The following GOLGA1 variants were observed in gnomAD, a reference collection of about 807,000 sequenced individuals.
GOLGA1 encodes the protein golgin subfamily A member 1.
In GOLGA1, 63 loss-of-function variants were observed where a neutral mutation model predicts 119.7. The observed-to-expected ratio is 0.53, with a 90% CI of 0.43 to 0.65. The LOEUF (loss-of-function observed/expected upper bound fraction) is 0.65. Among genes scored for constraint, GOLGA1 ranks in the 30% least tolerant of loss-of-function variants. The pLI is 0.00. For synonymous variants in GOLGA1, 318 were observed against 333.4 expected (o/e 0.95, Z 0.50); for missense variants, 798 against 912.8 (o/e 0.87, Z 1.62).
intron 10 of GOLGA1, among the ~76,000 whole-genome samples, chr9:124,917,769 T>A (rs907674896): frequency 3.3e-4 from 51 of 152,264 alleles, no homozygotes; most frequent in African/African-American, 1.2e-3. Context: ...TCTCCCATCA[T>A]CCCTTTCTCT....
intron 12 of GOLGA1, among the ~76,000 whole-genome samples, chr9:124,905,890 C>T (rs1198903940): frequency 3.3e-5 from 5 of 150,886 alleles, no homozygotes; most frequent in East Asian, 3.9e-4. Context: ...TTTGGGAGGC[C>T]GAGGCTGAGG....
At position 124,931,201 on chromosome 9, in the gene GOLGA1, A is replaced by T. The variant is rs41309948; in HGVS notation, c.226+115T>A. ...GGTATACTTGCTCCTTTCTAAAAAG[A>T]TCAAAATGATATGTGAAAATAACTA... On this transcript the variant is annotated intron_variant, in intron 4 of 22. Coordinates refer to ENST00000373555, the MANE Select transcript of GOLGA1 (RefSeq NM_002077.4). 2,468 of 647,834 alleles carry T rather than the reference A, an allele frequency of 3.8e-3. 10 individuals carry two copies. Among genetic ancestry groups the T allele is most frequent in the Non-Finnish European group, 5.1e-3 (1,806 of 351,492 alleles). 40.1% of individuals were successfully genotyped at this position (647,834 alleles called of 1,614,324 possible).
chr9:124,892,529 G>T (rs1050675732), intron 15 of GOLGA1, among the ~76,000 whole-genome samples: 4 of 152,172 alleles, frequency 2.6e-5, no homozygotes, highest in African/African-American at 9.7e-5. Context: ...CCAGGCTGGA[G>T]TGCAATGGCA....
chr9:124,936,533 T>C (rs1460358534), intron 3 of GOLGA1, among the ~76,000 whole-genome samples: 1 of 151,526 alleles, frequency 6.6e-6, no homozygotes, highest in Non-Finnish European at 1.5e-5. Context: ...CCCAAACTCC[T>C]GGGCTCAAGC....
intron 7 of GOLGA1, among the ~76,000 whole-genome samples, chr9:124,925,831 TA>T (rs1199481880): frequency 6.6e-6 from 1 of 152,214 alleles, no homozygotes; most frequent in Admixed American, 6.5e-5. Flanking sequence ...ATTTTAAAAC[TA>T]AAATGTTTTT....
intron 3 of GOLGA1, among the ~76,000 whole-genome samples, chr9:124,933,413 A>ATTATTTAT (rs373483012): frequency 4.0e-4 from 61 of 151,454 alleles, no homozygotes; most frequent in African/African-American, 1.3e-3. Flanking sequence ...TGGAGTCTGG[A>ATTATTTAT]TTATTTATTT....
rs1208815441 is a variant in GOLGA1 at position 124,938,853 on chromosome 9, T to C, written c.-142A>G. On this transcript the variant is annotated 5_prime_UTR_variant, in exon 3 of 23. Coordinates refer to ENST00000373555, the MANE Select transcript of GOLGA1 (RefSeq NM_002077.4). ...CACTTAAATGTGGGCCAAGGGCTTA[T>C]GGCAACACAGGATCTACAAATCAGA... is the stretch of plus-strand genomic sequence containing the variant. 2 of 582,280 alleles carry C rather than the reference T, an allele frequency of 3.4e-6. No individual in the cohort carries two copies. The highest frequency in any genetic ancestry group is 2.9e-5 in the East Asian group (1 of 34,530). 36.1% of individuals were successfully genotyped at this position (582,280 alleles called of 1,614,324 possible). A position where few individuals can be genotyped will look rare whatever the true frequency, so the allele number is the denominator to read the frequency against.
At chr9:124,936,249 G>C (rs1299893477) in intron 3 of GOLGA1, among the ~76,000 whole-genome samples, 2 of 152,060 alleles carry the variant, frequency 1.3e-5, no homozygotes, top group African/African-American at 4.8e-5. Context: ...AGGAGCCAGT[G>C]ATAATGTAGA....
chr9:124,931,440 T>C (rs1254784754), intron 3 of GOLGA1, 34 bp from the exon 4 acceptor site: 4 of 1,001,878 alleles, frequency 4.0e-6, no homozygotes, highest in East Asian at 2.4e-5. Context: ...GTCGTATTCA[T>C]ATATGTGTGA....
Position 124,890,471 on chromosome 9 carries a change from C to A in GOLGA1, c.1415G>T (p.Trp472Leu), listed in dbSNP as rs150023063. The A allele has an allele frequency of 1.8e-5, 29 of 1,612,442 alleles. No individual in the cohort carries two copies. In the African/African-American group the frequency reaches 3.5e-4, roughly 19 times the overall value. The change falls in exon 16 of 23, where the codon TGG (tryptophan) becomes TTG (leucine). Residue 472 changes from tryptophan to leucine, a missense_variant. Transcript: ENST00000373555. ...QFELKKLKEE[W>L]SQREIVSVAM... ...CACGCTCACAATTTCTCTTTGGCTCCATTCTTCCTACAATGCAGAAAACCA... is the reference window on the plus strand; with the variant it reads ...CACGCTCACAATTTCTCTTTGGCTCAATTCTTCCTACAATGCAGAAAACCA...
chr9:124,937,197 T>C (rs1362741855), intron 3 of GOLGA1, among the ~76,000 whole-genome samples: 4 of 152,206 alleles, frequency 2.6e-5, no homozygotes, highest in African/African-American at 9.6e-5. Flanking sequence ...CTCACCCCTG[T>C]AATCCTAGCA....
In GOLGA1 at chr9:124,901,366, G is replaced by A. The variant is rs142600390; in HGVS notation, c.1066-819C>T. ...GCTCACTGCAACCTCCGCCTGCTGG[G>A]TTCAAGCGATTCTCCTGCCTCAGCC... On this transcript the variant is annotated intron_variant, in intron 12 of 22. Transcript: ENST00000373555. Among the ~76,000 whole-genome samples, 534 of 151,432 alleles carry A rather than the reference G, an allele frequency of 3.5e-3. 4 individuals are homozygous for A. Among genetic ancestry groups the A allele is most frequent in the Middle Eastern group, 0.017 (5 of 290 alleles).
Position 124,938,725 on chromosome 9 carries a change from C to G in GOLGA1, c.-14G>C, listed in dbSNP as rs1830932564. On this transcript the variant is annotated 5_prime_UTR_variant, in exon 3 of 23. Transcript: ENST00000373555. The stretch of plus-strand genomic sequence containing the variant: ...TTTTGCAAACATGTTTGCTGTGTGG[C>G]TATCCTGCACAGATGACGAGCTCTC... 2 of 1,608,262 alleles carry G rather than the reference C, an allele frequency of 1.2e-6. No homozygotes were observed. Among genetic ancestry groups the G allele is most frequent in the Non-Finnish European group, 1.7e-6 (2 of 1,177,306 alleles).
intron 3 of GOLGA1, among the ~76,000 whole-genome samples, chr9:124,932,960 A>T (rs893358578): frequency 4.6e-5 from 7 of 151,580 alleles, no homozygotes; most frequent in African/African-American, 1.7e-4. Flanking sequence ...TCATTCCATC[A>T]CTCTAGTGAT....
chr9:124,884,172 C>T (rs1829660212), intron 19 of GOLGA1, among the ~76,000 whole-genome samples: 1 of 151,992 alleles, frequency 6.6e-6, no homozygotes, highest in Non-Finnish European at 1.5e-5. Flanking sequence ...CCACCACGCC[C>T]AGCTAATTTT....
chr9:124,913,908 G>A (rs191656111), intron 10 of GOLGA1, among the ~76,000 whole-genome samples: 1 of 152,310 alleles, frequency 6.6e-6, no homozygotes, highest in Non-Finnish European at 1.5e-5. Flanking sequence ...TGCATAAAGG[G>A]CAGCACATAC....
chr9:124,890,312 C>G (rs1261308858), intron 16 of GOLGA1, 77 bp downstream of exon 16: 6 of 987,068 alleles, frequency 6.1e-6, no homozygotes, highest in Non-Finnish European at 9.8e-6. Context: ...CCCTCTCCAA[C>G]AGTCTCACGG....
At chr9:124,893,475 T>C (rs1027228276) in intron 15 of GOLGA1, among the ~76,000 whole-genome samples, 4 of 152,144 alleles carry the variant, frequency 2.6e-5, no homozygotes, top group African/African-American at 9.7e-5. Context: ...GATTTTGTTT[T>C]TTCTAGTCAC....
intron 10 of GOLGA1, among the ~76,000 whole-genome samples, chr9:124,914,582 C>T (rs1830404829): frequency 6.6e-6 from 1 of 152,104 alleles, no homozygotes; most frequent in South Asian, 2.1e-4. Flanking sequence ...TCTAAAGTGA[C>T]AATGACCAAG....
Sources: allele counts gnomAD v4.1 joint callset (sites outside exome capture counted in the v4.1 genomes callset), GRCh38; gene constraint gnomAD v4.1.1; transcripts MANE v1.5; gene names NCBI Gene and HGNC (gene_info 2026-07-23, HGNC 2026-07-21).